Variants in MLLT10 observed in about 807,000 individuals in gnomAD.
The protein encoded by MLLT10 is MLLT10 histone lysine methyltransferase DOT1L cofactor.
MLLT10 carries 30 observed loss-of-function variants against 129.1 expected under a neutral mutation model. That is an observed-to-expected ratio of 0.23 (90% CI 0.17 to 0.32). The LOEUF is 0.32. MLLT10 is among the 10% of genes least tolerant of loss of function. MLLT10 has a pLI of 1.00. For missense variants in MLLT10, 1,119 were observed against 1,268.3 expected, an observed-to-expected ratio of 0.88 and a Z score of 1.79; for synonymous variants, 490 against 446.4, an observed-to-expected ratio of 1.10 and a Z score of -1.23.
At chr10:21,613,904 TA>T (rs560497110) in intron 6 of MLLT10, among the ~76,000 whole-genome samples, 74 of 141,374 alleles carry the variant, frequency 5.2e-4, no homozygotes, top group Middle Eastern at 7.3e-3. Context: ...AGGCTCCATC[TA>T]AAAAAAAAAA....
chr10:21,673,627 C>T lies in MLLT10; in HGVS notation c.1329C>T (p.Ser443=). The change falls in exon 11 of 23, where the codon TCC becomes TCT. Residue 443 remains serine, a synonymous_variant. Transcript: ENST00000307729. ...FENSPGDLGN[S]SLPTAGYKRA... ...ATTCACCTGGAGATTTGGGTAATTC[C>T]AGCCTTCCTACAGCAGGATATAAGC... The T allele has an allele frequency of 6.2e-7, 1 of 1,613,800 alleles. No individual in the cohort carries two copies. Among genetic ancestry groups the T allele is most frequent in the Non-Finnish European group, 8.5e-7 (1 of 1,179,930 alleles).
chr10:21,614,796 G>A (rs1251308714), intron 6 of MLLT10, 35 bp from the exon 7 acceptor site: 1 of 1,547,286 alleles, frequency 6.5e-7, no homozygotes, highest in Non-Finnish European at 8.9e-7. Flanking sequence ...TGTGATTTTA[G>A]TATATCAATA....
chr10:21,733,442 A>G, intron 18 of MLLT10, 62 bp from the exon 19 acceptor site: 1 of 1,076,820 alleles, frequency 9.3e-7, no homozygotes, highest in South Asian at 2.0e-5. Context: ...TAAGCCTTTA[A>G]TCTTACACAT....
chr10:21,641,040 C>T (rs745400270), intron 8 of MLLT10, among the ~76,000 whole-genome samples: 1 of 152,156 alleles, frequency 6.6e-6, no homozygotes, highest in Non-Finnish European at 1.5e-5. Flanking sequence ...AAGGACCAGG[C>T]CTAGAGGTGA....
intron 8 of MLLT10, among the ~76,000 whole-genome samples, chr10:21,640,085 T>C (rs1382559541): frequency 6.6e-6 from 1 of 150,832 alleles, no homozygotes; most frequent in Non-Finnish European, 1.5e-5. Context: ...GCCTGTTTTT[T>C]TAGTTACTTA....
intron 3 of MLLT10, among the ~76,000 whole-genome samples, chr10:21,578,155 A>G (rs1279607647): frequency 6.6e-6 from 1 of 152,194 alleles, no homozygotes; most frequent in African/African-American, 2.4e-5. Flanking sequence ...TAGACCTCCC[A>G]AAGTGTTGAG....
At chr10:21,677,349 TAATA>T (rs1019950942) in intron 11 of MLLT10, among the ~76,000 whole-genome samples, 2 of 152,200 alleles carry the variant, frequency 1.3e-5, no homozygotes, top group Non-Finnish European at 2.9e-5. Flanking sequence ...TCCCCCCATA[TAATA>T]AATAAGTAGG....
chr10:21,603,255 C>T (rs529551582), intron 5 of MLLT10, among the ~76,000 whole-genome samples: 103 of 134,844 alleles, frequency 7.6e-4, no homozygotes, highest in South Asian at 2.1e-3. Context: ...TTAGTAGAGG[C>T]GGGGTTTCAC....
intron 8 of MLLT10, among the ~76,000 whole-genome samples, chr10:21,621,790 T>A (rs2045887996): frequency 6.6e-6 from 1 of 152,196 alleles, no homozygotes; most frequent in African/African-American, 2.4e-5. Context: ...TGTGGGTCCC[T>A]CTTCTGTCGT....
At chr10:21,545,029 C>T (rs998655617) in intron 3 of MLLT10, among the ~76,000 whole-genome samples, 3 of 152,108 alleles carry the variant, frequency 2.0e-5, no homozygotes, top group Non-Finnish European at 4.4e-5. Flanking sequence ...CCTGTAATCC[C>T]AGCTACTAGG....
In MLLT10 at chr10:21,614,939, T is replaced by C; in HGVS notation, c.603+15T>C. ...TTAGTAAGCTGGTAAGAATTTCTCT[T>C]GGATTTAATGAAATGATTATGATTA... On this transcript the variant is annotated intron_variant, in intron 7 of 22. Coordinates refer to ENST00000307729, the MANE Select transcript of MLLT10 (RefSeq NM_001195626.3). 1.9e-6 allele frequency: 3 copies of C among 1,567,862 alleles called. No homozygotes were observed. Among genetic ancestry groups the C allele is most frequent in the Non-Finnish European group, 2.6e-6 (3 of 1,147,610 alleles).
At chr10:21,672,996 T>C (rs1417790549) in intron 10 of MLLT10, among the ~76,000 whole-genome samples, 1 of 152,192 alleles carries the variant, frequency 6.6e-6, no homozygotes, top group Non-Finnish European at 1.5e-5. Context: ...TGTTCTGTAG[T>C]CCTTCCTCAG....
chr10:21,694,442 CT>C (rs1168961907), intron 13 of MLLT10, among the ~76,000 whole-genome samples: 7 of 152,198 alleles, frequency 4.6e-5, no homozygotes, highest in Admixed American at 2.0e-4. Flanking sequence ...TAAAGGTTTT[CT>C]TTCCCCCTTT....
chr10:21,546,017 C>G (rs2036019235), intron 3 of MLLT10, among the ~76,000 whole-genome samples: 1 of 152,082 alleles, frequency 6.6e-6, no homozygotes, highest in South Asian at 2.1e-4. Context: ...GCTGCAGTGA[C>G]TTATTAGAAA....
At chr10:21,545,768 G>T (rs1037502114) in intron 3 of MLLT10, among the ~76,000 whole-genome samples, 5 of 152,196 alleles carry the variant, frequency 3.3e-5, no homozygotes, top group Non-Finnish European at 7.3e-5. Context: ...TGGGGCTCAA[G>T]GAATCCTCTC....
chr10:21,698,737 T>A (rs2054606127), intron 13 of MLLT10, among the ~76,000 whole-genome samples: 1 of 152,250 alleles, frequency 6.6e-6, no homozygotes, highest in African/African-American at 2.4e-5. Flanking sequence ...GCAACATCTG[T>A]CATTTTTGTC....
In MLLT10 at chr10:21,591,218, G is replaced by A. The variant is rs141610768; in HGVS notation, c.296-4113G>A. Among the ~76,000 whole-genome samples the A allele has an allele frequency of 7.2e-3, 1,096 of 152,048 alleles. 14 individuals are homozygous for A. The highest frequency in any genetic ancestry group is 0.01 in the Middle Eastern group (3 of 294). ...ACTACACGTGCACGCCACCTTATCC[G>A]GCTAATGTTTTTGTATTTGTTGTAG... is the stretch of plus-strand genomic sequence containing the variant. On this transcript the variant is annotated intron_variant, in intron 4 of 22. Transcript: ENST00000307729.
At chr10:21,580,670 G>T (rs1311946669) in intron 3 of MLLT10, among the ~76,000 whole-genome samples, 2 of 151,830 alleles carry the variant, frequency 1.3e-5, no homozygotes, top group African/African-American at 4.8e-5. Flanking sequence ...GATTACAGGC[G>T]TGAGCCTCCA....
intron 5 of MLLT10, among the ~76,000 whole-genome samples, chr10:21,601,813 T>C (rs1273272587): frequency 6.6e-6 from 1 of 152,238 alleles, no homozygotes; most frequent in Non-Finnish European, 1.5e-5. Flanking sequence ...ATGCTGGGAT[T>C]ACTGTCAGCC....
Sources: allele counts gnomAD v4.1 joint callset (sites outside exome capture counted in the v4.1 genomes callset), GRCh38; gene constraint gnomAD v4.1.1; transcripts MANE v1.5; gene names NCBI Gene and HGNC (gene_info 2026-07-23, HGNC 2026-07-21).